Variants in SND1 observed in about 807,000 individuals in gnomAD.
SND1 encodes the protein staphylococcal nuclease domain-containing protein 1.
A neutral mutation model predicts 121.7 loss-of-function variants in SND1; 38 were observed. The observed-to-expected ratio is 0.31, with a 90% CI of 0.24 to 0.41. SND1 has a LOEUF of 0.41. SND1 is among the 10% of genes least tolerant of loss of function. SND1 has a pLI of 1.00. For missense variants in SND1, 868 were observed against 1,184.6 expected, an observed-to-expected ratio of 0.73 and a Z score of 3.92; for synonymous variants, 401 against 447.4, an observed-to-expected ratio of 0.90 and a Z score of 1.31.
intron 15 of SND1, among the ~76,000 whole-genome samples, chr7:127,985,811 G>C (rs1802374005): frequency 6.6e-6 from 1 of 152,224 alleles, no homozygotes; most frequent in Non-Finnish European, 1.5e-5. Flanking sequence ...ATTTTTCAGT[G>C]TACCCCGTGG....
intron 15 of SND1, among the ~76,000 whole-genome samples, chr7:127,974,241 T>A (rs1257208098): frequency 6.6e-6 from 1 of 152,238 alleles, no homozygotes; most frequent in Non-Finnish European, 1.5e-5. Flanking sequence ...CGATACAGCA[T>A]CTCAGCTAGA....
intron 16 of SND1, among the ~76,000 whole-genome samples, chr7:128,056,404 C>G (rs573004540): frequency 7.2e-5 from 11 of 152,330 alleles, no homozygotes; most frequent in African/African-American, 2.2e-4. Flanking sequence ...GAAAAAAGGG[C>G]CTTGTTTCTC....
chr7:128,053,909 C>T (rs1409038209), intron 16 of SND1, among the ~76,000 whole-genome samples: 1 of 152,158 alleles, frequency 6.6e-6, no homozygotes, highest in African/African-American at 2.4e-5. Flanking sequence ...TGGAGTGCAG[C>T]AGTCAAAGCT....
At chr7:127,778,015 C>T (rs1040369650) in intron 10 of SND1, among the ~76,000 whole-genome samples, 2 of 152,096 alleles carry the variant, frequency 1.3e-5, no homozygotes, top group African/African-American at 4.8e-5. Flanking sequence ...AATGAGGTGC[C>T]CTTCTTTCTT....
At chr7:127,698,803 T>TCCC in intron 3 of SND1, 72 bp from the exon 4 acceptor site, 1 of 1,184,474 alleles carries the variant, frequency 8.4e-7, no homozygotes, top group Non-Finnish European at 1.3e-6. Context: ...GTGAAAGTGG[T>TCCC]CCCATTTGGG....
At chr7:127,802,561 T>G (rs1050801773) in intron 10 of SND1, among the ~76,000 whole-genome samples, 1 of 152,216 alleles carries the variant, frequency 6.6e-6, no homozygotes, top group African/African-American at 2.4e-5. Context: ...TCTGGTATTT[T>G]CCTTCCGCCC....
intron 10 of SND1, among the ~76,000 whole-genome samples, chr7:127,748,813 T>C (rs1797026112): frequency 6.6e-6 from 1 of 152,090 alleles, no homozygotes; most frequent in African/African-American, 2.4e-5. Context: ...GGTAGCTGAA[T>C]GGAAGGTGCA....
At chr7:127,980,100 A>G (rs1463746083) in intron 15 of SND1, among the ~76,000 whole-genome samples, 1 of 96,158 alleles carries the variant, frequency 1.0e-5, no homozygotes, top group African/African-American at 5.8e-5. Context: ...ATTTTATTTT[A>G]TTCTTTTTCT....
chr7:128,030,446 G>A (rs1792548211), intron 16 of SND1: 2 of 1,613,710 alleles, frequency 1.2e-6, no homozygotes, highest in Non-Finnish European at 1.7e-6. Context: ...CCTCGGAGAG[G>A]CCCCGGCGCG....
chr7:127,663,008 AGCCC>A (rs1795343859), intron 1 of SND1, among the ~76,000 whole-genome samples: 1 of 149,854 alleles, frequency 6.7e-6, no homozygotes, highest in Non-Finnish European at 1.5e-5. Context: ...CTCCCACCTC[AGCCC>A]GCTGAGTAGC....
intron 16 of SND1, among the ~76,000 whole-genome samples, chr7:128,051,072 G>T (rs756419180): frequency 6.6e-6 from 1 of 152,210 alleles, no homozygotes; most frequent in Non-Finnish European, 1.5e-5. Flanking sequence ...GTGGAGTGCT[G>T]ACTGCTCCTT....
intron 13 of SND1, 75 bp downstream of exon 13, chr7:127,888,087 C>T (rs1799944703): frequency 1.1e-6 from 1 of 874,650 alleles, no homozygotes; most frequent in Non-Finnish European, 1.9e-6. Context: ...GTGCCTATAC[C>T]TGAGCAGAAT....
chr7:127,896,211 C>T (rs1352530231), intron 13 of SND1, among the ~76,000 whole-genome samples: 1 of 152,072 alleles, frequency 6.6e-6, no homozygotes, highest in Non-Finnish European at 1.5e-5. Flanking sequence ...GACCACTTAT[C>T]TGTCCAGAGC....
At chr7:127,880,202 C>T (rs1216527527) in intron 12 of SND1, among the ~76,000 whole-genome samples, 2 of 152,166 alleles carry the variant, frequency 1.3e-5, no homozygotes, top group South Asian at 4.1e-4. Flanking sequence ...TAGTAGCCAT[C>T]TCAGTAATTA....
intron 16 of SND1, among the ~76,000 whole-genome samples, chr7:127,997,185 C>T (rs572792838): frequency 9.5e-4 from 145 of 152,302 alleles, no homozygotes; most frequent in African/African-American, 3.4e-3. Flanking sequence ...TACTAAAACT[C>T]AAATATCTGC....
chr7:127,860,787 A>G (rs977038068), intron 12 of SND1, among the ~76,000 whole-genome samples: 2 of 152,224 alleles, frequency 1.3e-5, no homozygotes, highest in African/African-American at 4.8e-5. Context: ...AGTAATAAAT[A>G]TTTGTGTATC....
intron 10 of SND1, among the ~76,000 whole-genome samples, chr7:127,786,669 A>G (rs889132469): frequency 1.3e-5 from 2 of 151,726 alleles, no homozygotes; most frequent in African/African-American, 4.8e-5. Context: ...TTTGAGACGG[A>G]GTTTCGCTCT....
In SND1 at chr7:127,781,995, A is replaced by G. The variant is rs184325593; in HGVS notation, c.1153-25489A>G. Among the ~76,000 whole-genome samples the G allele has an allele frequency of 4.7e-4, 71 of 152,332 alleles. 1 individual carries two copies. Among genetic ancestry groups the G allele is most frequent in the Admixed American group, 4.2e-3 (64 of 15,302 alleles). ...AAAATTTTCGCTTGGGTTATATACAATTAATCTGAGTGGTGACCAGTTTCT... is the reference window on the plus strand; with the variant it reads ...AAAATTTTCGCTTGGGTTATATACAGTTAATCTGAGTGGTGACCAGTTTCT... On this transcript the variant is annotated intron_variant, in intron 10 of 23. Coordinates refer to ENST00000354725, the MANE Select transcript of SND1 (RefSeq NM_014390.4).
At chr7:128,065,214 C>A (rs1186798119) in intron 16 of SND1, among the ~76,000 whole-genome samples, 1 of 152,182 alleles carries the variant, frequency 6.6e-6, no homozygotes. Context: ...GATCTGGAGC[C>A]AAGTTCATTT....
Sources: allele counts gnomAD v4.1 joint callset (sites outside exome capture counted in the v4.1 genomes callset), GRCh38; gene constraint gnomAD v4.1.1; transcripts MANE v1.5; gene names NCBI Gene and HGNC (gene_info 2026-07-23, HGNC 2026-07-21).